The following UTS2 variants were observed in gnomAD, a reference collection of about 807,000 sequenced individuals.
UTS2 encodes the protein urotensin 2.
A neutral mutation model predicts 12.6 loss-of-function variants in UTS2; 10 were observed. The ratio of observed to expected loss-of-function variants is 0.80; its 90% CI spans 0.49 to 1.35. The LOEUF is 1.35. Among genes scored for constraint, UTS2 ranks in the 40% most tolerant of loss-of-function variants. The pLI, the probability that UTS2 is intolerant of heterozygous loss-of-function variation, is 0.00. For synonymous variants in UTS2, 52 were observed against 50.0 expected, an observed-to-expected ratio of 1.04 and a Z score of -0.17; for missense variants, 142 against 143.2, an observed-to-expected ratio of 0.99 and a Z score of 0.04.
the UTS2 span, among the ~76,000 whole-genome samples, chr1:7,870,267 C>A: frequency 6.6e-6 from 1 of 152,108 alleles, no homozygotes; most frequent in East Asian, 1.9e-4. Context: ...AAGATGAGGA[C>A]ACAGATGCAC....
the UTS2 span, among the ~76,000 whole-genome samples, chr1:7,896,930 T>A: frequency 6.6e-6 from 1 of 152,000 alleles, no homozygotes; most frequent in African/African-American, 2.4e-5. Context: ...ACTCCTGACC[T>A]CAGGGGATCC....
At chr1:7,883,152 C>G in the UTS2 span, among the ~76,000 whole-genome samples, 6 of 152,028 alleles carry the variant, frequency 3.9e-5, no homozygotes, top group Non-Finnish European at 8.8e-5. Flanking sequence ...AAGGGATGAA[C>G]AGATAAAGAA....
chr1:7,880,212 C>T, the UTS2 span, among the ~76,000 whole-genome samples: 2 of 151,568 alleles, frequency 1.3e-5, no homozygotes, highest in Non-Finnish European at 2.9e-5. Context: ...GAGCTGTGAT[C>T]GTGCCACTGC....
At chr1:7,871,962 T>A in the UTS2 span, among the ~76,000 whole-genome samples, 1 of 152,106 alleles carries the variant, frequency 6.6e-6, no homozygotes, top group African/African-American at 2.4e-5. Context: ...AGTGTTCAAC[T>A]GAAAGGCAGA....
the UTS2 span, among the ~76,000 whole-genome samples, chr1:7,911,426 A>C: frequency 1.3e-5 from 2 of 152,146 alleles, no homozygotes; most frequent in Admixed American, 6.5e-5. Context: ...TACCTTATTC[A>C]TTTATTCTTT....
the UTS2 span, among the ~76,000 whole-genome samples, chr1:7,887,247 C>T: frequency 1.1e-4 from 16 of 151,826 alleles, no homozygotes; most frequent in East Asian, 3.1e-3. Context: ...GTTGGAGCGG[C>T]TTTTTCCATT....
the UTS2 span, among the ~76,000 whole-genome samples, chr1:7,874,628 C>T: frequency 2.0e-5 from 3 of 152,206 alleles, no homozygotes; most frequent in African/African-American, 7.2e-5. Context: ...CAGAGCTGCC[C>T]GCCTGGGACC....
At chr1:7,870,118 G>T in the UTS2 span, among the ~76,000 whole-genome samples, 1 of 152,174 alleles carries the variant, frequency 6.6e-6, no homozygotes, top group African/African-American at 2.4e-5. Context: ...GTGCTGAGTT[G>T]TGTACCCCCA....
intron 1 of UTS2, 105 bp from the exon 2 acceptor site, chr1:7,851,027 A>T: frequency 2.8e-6 from 3 of 1,056,918 alleles, no homozygotes; most frequent in Non-Finnish European, 4.3e-6. Context: ...TGAACACTAG[A>T]AAAACTTCCA....
upstream of UTS2, among the ~76,000 whole-genome samples, chr1:7,856,824 G>A (rs919707715): frequency 6.6e-6 from 1 of 152,146 alleles, no homozygotes; most frequent in Non-Finnish European, 1.5e-5. Flanking sequence ...ACTTTGGGGG[G>A]CCGAGGCAGG....
chr1:7,868,157 T>C, the UTS2 span, among the ~76,000 whole-genome samples: 39 of 152,246 alleles, frequency 2.6e-4, no homozygotes, highest in Non-Finnish European at 4.7e-4. Context: ...CTTCTGCTAT[T>C]CTGTGCTCTG....
chr1:7,913,020 G>T, the UTS2 span, among the ~76,000 whole-genome samples: 4 of 147,858 alleles, frequency 2.7e-5, no homozygotes, highest in African/African-American at 1.0e-4. Context: ...TTTATAGAGG[G>T]CAAGTTCCTC....
chr1:7,874,603 T>A, the UTS2 span, among the ~76,000 whole-genome samples: 1 of 152,168 alleles, frequency 6.6e-6, no homozygotes, highest in South Asian at 2.1e-4. Flanking sequence ...CCAAAGCCCA[T>A]GTTTCCCAGA....
At chr1:7,903,988 G>C in the UTS2 span, among the ~76,000 whole-genome samples, 1 of 152,186 alleles carries the variant, frequency 6.6e-6, no homozygotes, top group Admixed American at 6.5e-5. Context: ...AGGGTTAGGC[G>C]AAAGAAGTTT....
chr1:7,884,299 C>T, the UTS2 span, among the ~76,000 whole-genome samples: 1 of 124,208 alleles, frequency 8.1e-6, no homozygotes, highest in Non-Finnish European at 1.6e-5. Flanking sequence ...CAAATAACAT[C>T]TGATTTTTTT....
the UTS2 span, among the ~76,000 whole-genome samples, chr1:7,872,468 A>C: frequency 6.6e-6 from 1 of 152,224 alleles, no homozygotes; most frequent in African/African-American, 2.4e-5. Flanking sequence ...CCCAAGTGCT[A>C]TTCCAGTGAA....
chr1:7,889,328 G>A, the UTS2 span, among the ~76,000 whole-genome samples: 18 of 149,008 alleles, frequency 1.2e-4, no homozygotes, highest in African/African-American at 3.7e-4. Flanking sequence ...TGTGGTCCCC[G>A]CTACTCAGGA....
intron 1 of UTS2, among the ~76,000 whole-genome samples, chr1:7,851,318 A>G (rs561652323): frequency 1.5e-5 from 2 of 136,182 alleles, no homozygotes; most frequent in African/African-American, 5.3e-5. Context: ...ATTGGAGAGG[A>G]AAAAGAAAGA....
the UTS2 span, among the ~76,000 whole-genome samples, chr1:7,879,891 G>T: frequency 6.6e-6 from 1 of 152,100 alleles, no homozygotes; most frequent in Non-Finnish European, 1.5e-5. Context: ...CAAATAAAAA[G>T]CCTAATGTTG....
Sources: gnomAD v4.1 joint callset for allele counts (sites outside exome capture counted in the v4.1 genomes callset) on GRCh38, gnomAD v4.1.1 for gene constraint, MANE v1.5 for transcripts, NCBI Gene and HGNC (gene_info 2026-07-23, HGNC 2026-07-21) for gene names.